The following SERPINA10 variants were observed in gnomAD, a reference collection of about 807,000 sequenced individuals.
SERPINA10 encodes protein Z-dependent protease inhibitor.
In SERPINA10, 24 loss-of-function variants were observed where a neutral mutation model predicts 28.0. The observed-to-expected ratio is 0.86, with a 90% CI of 0.62 to 1.20. SERPINA10 has a LOEUF of 1.20. SERPINA10 is among the 50% of genes most tolerant of loss of function. The pLI is 0.00. For missense variants in SERPINA10, 521 were observed against 537.7 expected (o/e 0.97, Z 0.31); for synonymous variants, 207 against 203.9 (o/e 1.02, Z -0.13).
Position 94,283,888 on chromosome 14 carries a change from T to C in SERPINA10, c.*77A>G. The C allele has an allele frequency of 7.1e-7, 1 of 1,406,026 alleles. No individual in the cohort carries two copies. The highest frequency in any genetic ancestry group is 2.3e-5 in the East Asian group (1 of 43,698). The allele number at this position is 1,406,026 out of a possible 1,614,324, so 87.1% of individuals were successfully genotyped here. A position where few individuals can be genotyped will look rare whatever the true frequency, so the allele number is the denominator to read the frequency against. Reference sequence around the variant, plus strand: ...AAGGAACACTCTCCCCTGCCATCCATTGCTGGTATCCTGTGTGTGTTTGAT... The same window carrying C: ...AAGGAACACTCTCCCCTGCCATCCACTGCTGGTATCCTGTGTGTGTTTGAT... On this transcript the variant is annotated 3_prime_UTR_variant, in exon 5 of 5. Transcript: ENST00000261994.
chr14:94,287,721 C>CTGAAGCCACACTTGTCTCCTTGA (rs1199360745), intron 3 of SERPINA10, among the ~76,000 whole-genome samples: 1 of 152,334 alleles, frequency 6.6e-6, no homozygotes, highest in South Asian at 2.1e-4. Context: ...TCTCCAACTG[C>CTGAAGCCACACTTGTCTCCTTGA]TGAAGCCACA....
chr14:94,286,042 G>A (rs1895014712), intron 4 of SERPINA10, 66 bp downstream of exon 4: 1 of 1,582,062 alleles, frequency 6.3e-7, no homozygotes, highest in East Asian at 2.2e-5. Flanking sequence ...TAAATGGTTT[G>A]TAAAAGCATT....
Position 94,281,264 on chromosome 14 carries a change from A to T in SERPINA10, c.*2701T>A, listed in dbSNP as rs565355486. 6.6e-6 allele frequency: 1 copy of T among 152,050 alleles called. No homozygotes were observed. Among genetic ancestry groups the T allele is most frequent in the East Asian group, 1.9e-4 (1 of 5,160 alleles). The allele number at this position is 152,050 out of a possible 1,614,324, so 9.4% of individuals were successfully genotyped here. A position where few individuals can be genotyped will look rare whatever the true frequency, so the allele number is the denominator to read the frequency against. ...ATCCTGACTAACACAGTGAAACCCC[A>T]TCTCTACTTAAAATACAAAAAATTA... On this transcript the variant is annotated 3_prime_UTR_variant, in exon 5 of 5. Coordinates refer to ENST00000261994, the MANE Select transcript of SERPINA10 (RefSeq NM_001100607.3).
chr14:94,288,216 A>G (rs1329336962), intron 3 of SERPINA10, 70 bp downstream of exon 3: 5 of 1,597,506 alleles, frequency 3.1e-6, no homozygotes, highest in African/African-American at 1.3e-5. Context: ...GGTGCATTCA[A>G]TGAAATTGTG....
Position 94,283,642 on chromosome 14 carries a change from T to C in SERPINA10, c.*323A>G. 2 of 373,292 alleles carry C rather than the reference T, an allele frequency of 5.4e-6. No homozygotes were observed. The highest frequency in any genetic ancestry group is 1.2e-4 in the East Asian group (2 of 16,386). The allele number at this position is 373,292 out of a possible 1,614,324, so 23.1% of individuals were successfully genotyped here. On this transcript the variant is annotated 3_prime_UTR_variant, in exon 5 of 5. Transcript: ENST00000261994. ...TGGTATTGCAGTGCTTGCATTCAAGTAACTCATTTTACTTAATGTTGTTAT... is the reference window on the plus strand; with the variant it reads ...TGGTATTGCAGTGCTTGCATTCAAGCAACTCATTTTACTTAATGTTGTTAT...
Position 94,283,877 on chromosome 14 carries a change from C to T in SERPINA10, c.*88G>A. The T allele has an allele frequency of 7.7e-7, 1 of 1,298,934 alleles. No individual in the cohort carries two copies. The highest frequency in any genetic ancestry group is 1.7e-5 in the Admixed American group (1 of 59,470). 80.5% of individuals were successfully genotyped at this position (1,298,934 alleles called of 1,614,324 possible). A position where few individuals can be genotyped will look rare whatever the true frequency, so the allele number is the denominator to read the frequency against. On this transcript the variant is annotated 3_prime_UTR_variant, in exon 5 of 5. Transcript: ENST00000261994. ...GTTAAGAACAAAAGGAACACTCTCC[C>T]CTGCCATCCATTGCTGGTATCCTGT...
chr14:94,281,976 T>C lies in SERPINA10; in HGVS notation c.*1989A>G, dbSNP rs529075207. On this transcript the variant is annotated 3_prime_UTR_variant, in exon 5 of 5. Transcript: ENST00000261994. The stretch of plus-strand genomic sequence containing the variant: ...TTTTTCCACAAACAAATCTGACTAA[T>C]TGAACACAAACAAGGTGACTTAAGA... 1.3e-5 allele frequency: 2 copies of C among 152,594 alleles called. No individual in the cohort carries two copies. The highest frequency in any genetic ancestry group is 1.9e-4 in the East Asian group (1 of 5,178). 9.5% of individuals were successfully genotyped at this position (152,594 alleles called of 1,614,324 possible). A position where few individuals can be genotyped will look rare whatever the true frequency, so the allele number is the denominator to read the frequency against.
Position 94,282,587 on chromosome 14 carries a change from C to A in SERPINA10, c.*1378G>T, listed in dbSNP as rs1894927065. 1 of 152,246 alleles carries A rather than the reference C, an allele frequency of 6.6e-6. No individual in the cohort carries two copies. The highest frequency in any genetic ancestry group is 6.5e-5 in the Admixed American group (1 of 15,296). 9.4% of individuals were successfully genotyped at this position (152,246 alleles called of 1,614,324 possible). ...CAGGAAAGGTAGGCTTCTGACTCTG[C>A]CATTGCCACACTGGAAGACCTTGGA... is the stretch of plus-strand genomic sequence containing the variant. On this transcript the variant is annotated 3_prime_UTR_variant, in exon 5 of 5. Coordinates refer to ENST00000261994, the MANE Select transcript of SERPINA10 (RefSeq NM_001100607.3).
chr14:94,292,846 T>C (rs1317445511), intron 1 of SERPINA10: 5 of 606,382 alleles, frequency 8.2e-6, no homozygotes, highest in Non-Finnish European at 1.5e-5. Flanking sequence ...ACCTGCCACT[T>C]CTCAGCCCTG....
At chr14:94,292,301 G>C (rs927391767) in intron 1 of SERPINA10, among the ~76,000 whole-genome samples, 1 of 152,062 alleles carries the variant, frequency 6.6e-6, no homozygotes, top group African/African-American at 2.4e-5. Context: ...GGGAGGACAC[G>C]GTGCGAAGGT....
intron 4 of SERPINA10, among the ~76,000 whole-genome samples, chr14:94,285,067 C>A (rs1406677784): frequency 6.6e-6 from 1 of 152,074 alleles, no homozygotes; most frequent in Non-Finnish European, 1.5e-5. Flanking sequence ...CCTACTGTGT[C>A]CTACTTAAGT....
chr14:94,286,666 C>A (rs1482714442), intron 3 of SERPINA10, among the ~76,000 whole-genome samples: 1 of 152,194 alleles, frequency 6.6e-6, no homozygotes, highest in African/African-American at 2.4e-5. Context: ...AAACTTTCAA[C>A]CCCTACCCGT....
intron 3 of SERPINA10, 130 bp from the exon 4 acceptor site, chr14:94,286,388 G>A (rs1895025782): frequency 9.9e-7 from 1 of 1,013,758 alleles, no homozygotes; most frequent in Admixed American, 1.8e-5. Context: ...TGTAGTTCAT[G>A]CCATTCTTTT....
At position 94,280,519 on chromosome 14, in the gene SERPINA10, A is replaced by G. The variant is rs1471011149; in HGVS notation, c.*3446T>C. On this transcript the variant is annotated 3_prime_UTR_variant, in exon 5 of 5. Transcript: ENST00000261994. Reference sequence around the variant, plus strand: ...TCAAGGACAGATATATAGAAACAGGATAAACAGCAAATTACTGACAGTTAT... The same window carrying G: ...TCAAGGACAGATATATAGAAACAGGGTAAACAGCAAATTACTGACAGTTAT... The G allele has an allele frequency of 6.6e-6, 1 of 152,236 alleles. No homozygotes were observed. Among genetic ancestry groups the G allele is most frequent in the African/African-American group, 2.4e-5 (1 of 41,466 alleles). 9.4% of individuals were successfully genotyped at this position (152,236 alleles called of 1,614,324 possible). A position where few individuals can be genotyped will look rare whatever the true frequency, so the allele number is the denominator to read the frequency against.
chr14:94,283,890 G>T lies in SERPINA10; in HGVS notation c.*75C>A. ...GGAACACTCTCCCCTGCCATCCATT[G>T]CTGGTATCCTGTGTGTGTTTGATAC... On this transcript the variant is annotated 3_prime_UTR_variant, in exon 5 of 5. Coordinates refer to ENST00000261994, the MANE Select transcript of SERPINA10 (RefSeq NM_001100607.3). The T allele has an allele frequency of 7.1e-7, 1 of 1,406,800 alleles. No individual in the cohort carries two copies. Among genetic ancestry groups the T allele is most frequent in the Non-Finnish European group, 1.0e-6 (1 of 992,198 alleles). 87.1% of individuals were successfully genotyped at this position (1,406,800 alleles called of 1,614,324 possible). A position where few individuals can be genotyped will look rare whatever the true frequency, so the allele number is the denominator to read the frequency against.
Position 94,288,445 on chromosome 14 carries a change from G to T in SERPINA10, c.833C>A (p.Thr278Asn), listed in dbSNP as rs746098136. The change falls in exon 3 of 5, where the codon ACC (threonine) becomes AAC (asparagine). Residue 278 changes from threonine (T) to asparagine (N), a missense_variant. Transcript: ENST00000261994. ...ATGACAACGAAAATTCTTGTCAAAGGTGGAGGCAAACTTGCCTGCACCGTA... is the reference window on the plus strand; with the variant it reads ...ATGACAACGAAAATTCTTGTCAAAGTTGGAGGCAAACTTGCCTGCACCGTA... ...MMYGAGKFAS[T>N]FDKNFRCHVL... The T allele has an allele frequency of 1.2e-6, 2 of 1,614,030 alleles. No individual in the cohort carries two copies. The highest frequency in any genetic ancestry group is 1.3e-5 in the African/African-American group (1 of 74,908).
chr14:94,284,258 C>T (rs1894969230), intron 4 of SERPINA10, 102 bp from the exon 5 acceptor site: 4 of 1,067,352 alleles, frequency 3.7e-6, no homozygotes, highest in Non-Finnish European at 5.6e-6. Flanking sequence ...CCCATGGGGT[C>T]ATGCTCCTGG....
Position 94,288,281 on chromosome 14 carries a change from T to G in SERPINA10, c.992+5A>C. 1.2e-6 allele frequency: 2 copies of G among 1,613,438 alleles called. No homozygotes were observed. ...GTTTGTATAGGGTGTGGGCAAGAGT[T>G]GTACCTGGTTTTCATGTTTCTGAGC... On this transcript the variant is annotated splice_donor_5th_base_variant and intron_variant, in intron 3 of 4. Transcript: ENST00000261994.
In SERPINA10 at chr14:94,284,042, A is replaced by G; in HGVS notation, c.1258T>C (p.Phe420Leu). 1 of 1,614,218 alleles carries G rather than the reference A, an allele frequency of 6.2e-7. No homozygotes were observed. The highest frequency in any genetic ancestry group is 8.5e-7 in the Non-Finnish European group (1 of 1,180,038). Residue 420 changes from phenylalanine to leucine, a missense_variant, in exon 5 of 5, where the codon TTT becomes CTT. Phe to Leu is a conservative substitution (Grantham distance 22). Coordinates refer to ENST00000261994, the MANE Select transcript of SERPINA10 (RefSeq NM_001100607.3). ...GTTTCTTCATAGATCATGAAATGAA[A>G]TGGCCGGTCCACTTTGATGACAGGA... ...MPPVIKVDRP[F>L]HFMIYEETSG...
Sources: allele counts gnomAD v4.1 joint callset (sites outside exome capture counted in the v4.1 genomes callset), GRCh38; gene constraint gnomAD v4.1.1; transcripts MANE v1.5; gene names NCBI Gene and HGNC (gene_info 2026-07-23, HGNC 2026-07-21).